The following PKHD1L1 variants were observed in gnomAD, a reference collection of about 807,000 sequenced individuals.
PKHD1L1 encodes the protein PKHD1 like 1.
PKHD1L1 carries 434 observed loss-of-function variants against 462.9 expected under a neutral mutation model. That is an observed-to-expected ratio of 0.94 (90% CI 0.87 to 1.02). The LOEUF (loss-of-function observed/expected upper bound fraction) is 1.02, where lower values mean the gene tolerates loss of function less well. Among genes scored for constraint, PKHD1L1 ranks in the 50% least tolerant of loss-of-function variants. The pLI, the probability that PKHD1L1 is intolerant of heterozygous loss-of-function variation, is 0.00. For synonymous variants in PKHD1L1, 1,781 were observed against 1,750.0 expected, an observed-to-expected ratio of 1.02 and a Z score of -0.44; for missense variants, 5,202 against 5,096.1, an observed-to-expected ratio of 1.02 and a Z score of -0.63.
Position 109,444,530 on chromosome 8 carries a change from AAATTT to A in PKHD1L1, c.4792-129_4792-125del, listed in dbSNP as rs1232342325. ...TGCGTTAATCAGCCCCTCCCAAATTAAATTTATGAATAAAAGATATTTATTTGCAC... is the reference window on the plus strand; with the variant it reads ...TGCGTTAATCAGCCCCTCCCAAATTAATGAATAAAAGATATTTATTTGCAC... On this transcript the variant is annotated intron_variant, in intron 37 of 77. Transcript: ENST00000378402. The A allele has an allele frequency of 6.9e-6, 6 of 871,550 alleles. No individual in the cohort carries two copies. The Admixed American group carries it at 1.1e-4, about 16-fold the overall frequency. 54.0% of individuals were successfully genotyped at this position (871,550 alleles called of 1,614,324 possible). A position where few individuals can be genotyped will look rare whatever the true frequency, so the allele number is the denominator to read the frequency against.
intron 67 of PKHD1L1, among the ~76,000 whole-genome samples, chr8:109,503,321 A>C (rs1477175481): frequency 6.6e-6 from 1 of 151,830 alleles, no homozygotes; most frequent in South Asian, 2.1e-4. Context: ...CAAACAAAAA[A>C]AAAACAGAAG....
chr8:109,383,570 A>G (rs1015106809), intron 4 of PKHD1L1, among the ~76,000 whole-genome samples: 4 of 148,560 alleles, frequency 2.7e-5, no homozygotes. Context: ...CTAATATAAG[A>G]TGAAATACTG....
At position 109,488,891 on chromosome 8, in the gene PKHD1L1, C is replaced by A. The variant is rs548208182; in HGVS notation, c.9881-1061C>A. Among the ~76,000 whole-genome samples the A allele has an allele frequency of 5.9e-5, 4 of 68,098 alleles. No individual in the cohort carries two copies. The East Asian group carries it at 1.3e-3, about 22-fold the overall frequency. 44.7% of individuals were successfully genotyped at this position (68,098 alleles called of 152,430 possible). A position where few individuals can be genotyped will look rare whatever the true frequency, so the allele number is the denominator to read the frequency against. ...ATATTACCCCTCTTTTAAAGATGAA[C>A]AAACAGATGATTAAAGGGGTAAAGT... On this transcript the variant is annotated intron_variant, in intron 59 of 77. Coordinates refer to ENST00000378402, the MANE Select transcript of PKHD1L1 (RefSeq NM_177531.6).
At chr8:109,392,033 C>T (rs1284977017) in intron 9 of PKHD1L1, among the ~76,000 whole-genome samples, 1 of 152,162 alleles carries the variant, frequency 6.6e-6, no homozygotes, top group Non-Finnish European at 1.5e-5. Context: ...GGACACATGA[C>T]TTAGGGTCCC....
In PKHD1L1 at chr8:109,425,150, A is replaced by T. The variant is rs769218680; in HGVS notation, c.2763A>T (p.Lys921Asn). ...YRGNNWPGES[K>N]IHIQRIQAAS... is the part of the protein sequence containing the mutation. The stretch of plus-strand genomic sequence containing the variant: ...GAAATAATTGGCCAGGCGAGTCAAA[A>T]ATTCATATTCAAAGAATTCAAGCTG... Residue 921 changes from lysine (K) to asparagine (N), a missense_variant, in exon 24 of 78, where the codon AAA becomes AAT. Transcript: ENST00000378402. 1 of 1,610,964 alleles carries T rather than the reference A, an allele frequency of 6.2e-7. No homozygotes were observed. The highest frequency in any genetic ancestry group is 1.7e-5 in the Admixed American group (1 of 59,442).
At chr8:109,483,209 C>A (rs767325682) in intron 57 of PKHD1L1, 104 bp downstream of exon 57, 4 of 776,408 alleles carry the variant, frequency 5.2e-6, no homozygotes, top group Non-Finnish European at 5.6e-6. Context: ...ATGTGATTAA[C>A]CAGATGAAAA....
At position 109,436,533 on chromosome 8, in the gene PKHD1L1, G is replaced by A. The variant is rs1016953994; in HGVS notation, c.3627+74G>A. 1.8e-5 allele frequency: 29 copies of A among 1,570,084 alleles called. No homozygotes were observed. In the East Asian group the frequency reaches 5.9e-4, roughly 32 times the overall value. ...ATAAATTAGGAAACATCTCAGTGGG[G>A]CGGGGGGTGAAACAAGTGGTGTATT... On this transcript the variant is annotated intron_variant, in intron 30 of 77. Transcript: ENST00000378402.
chr8:109,441,351 C>A lies in PKHD1L1; in HGVS notation c.4176C>A (p.Phe1392Leu). ...TTCTTCATTCAACTGGGAATATATT[C>A]AGGATTACCAACAATGGGAAAGATT... ...KCILHSTGNI[F>L]RITNNGKDSV... The change falls in exon 34 of 78, where the codon TTC becomes TTA. Residue 1392 changes from phenylalanine (F) to leucine (L), a missense_variant. Physicochemically the swap from Phe to Leu is conservative, Grantham distance 22. Around this residue, in one of 3 missense-constraint regions of PKHD1L1, gnomAD observed 4,497 missense variants for 4,336.8 expected, o/e 1.04. Transcript: ENST00000378402. 6.4e-7 allele frequency: 1 copy of A among 1,573,418 alleles called. No homozygotes were observed. Among genetic ancestry groups the A allele is most frequent in the South Asian group, 1.2e-5 (1 of 86,742 alleles).
At chr8:109,488,793 A>C (rs1818682269) in intron 59 of PKHD1L1, among the ~76,000 whole-genome samples, 1 of 152,038 alleles carries the variant, frequency 6.6e-6, no homozygotes, top group South Asian at 2.1e-4. Flanking sequence ...CGAACATGAC[A>C]CAAGATCACA....
intron 9 of PKHD1L1, among the ~76,000 whole-genome samples, chr8:109,393,221 T>C (rs1482376391): frequency 6.6e-6 from 1 of 151,734 alleles, no homozygotes; most frequent in Non-Finnish European, 1.5e-5. Context: ...TCTTTAGTCT[T>C]GCAAATGAAC....
At chr8:109,494,848 A>T (rs1169010646) in intron 63 of PKHD1L1, among the ~76,000 whole-genome samples, 7 of 151,944 alleles carry the variant, frequency 4.6e-5, no homozygotes, top group Non-Finnish European at 1.5e-5. Flanking sequence ...TAATTACCAG[A>T]TCAAAAAAGT....
At position 109,465,181 on chromosome 8, in the gene PKHD1L1, G is replaced by A. The variant is rs762340119; in HGVS notation, c.8349G>A (p.Pro2783=). ...TTGACGTCCAGTATTCTCACACACCGAACAAGGCTGGCTTTCGCTGGGAAC... is the reference window on the plus strand; with the variant it reads ...TTGACGTCCAGTATTCTCACACACCAAACAAGGCTGGCTTTCGCTGGGAAC... The part of the protein sequence containing the change: ...KFVDVQYSHT[P]NKAGFRWEHE... The change falls in exon 49 of 78, where the codon CCG becomes CCA. Residue 2783 remains proline (P), a synonymous_variant. Coordinates refer to ENST00000378402, the MANE Select transcript of PKHD1L1 (RefSeq NM_177531.6). 1.3e-5 allele frequency: 21 copies of A among 1,613,594 alleles called. No homozygotes were observed. Among genetic ancestry groups the A allele is most frequent in the Admixed American group, 3.3e-5 (2 of 59,946 alleles).
chr8:109,470,884 C>T (rs1295362793), intron 50 of PKHD1L1: 1 of 1,542,488 alleles, frequency 6.5e-7, no homozygotes, highest in African/African-American at 1.4e-5. Context: ...ATGCTAGAAA[C>T]TGAGCCAGTA....
At position 109,477,312 on chromosome 8, in the gene PKHD1L1, C is replaced by T. The variant is rs1423713847; in HGVS notation, c.9005C>T (p.Ala3002Val). The T allele has an allele frequency of 1.9e-6, 3 of 1,613,528 alleles. No homozygotes were observed. Among genetic ancestry groups the T allele is most frequent in the African/African-American group, 1.3e-5 (1 of 75,026 alleles). The change falls in exon 53 of 78, where the codon GCT becomes GTT. Residue 3002 changes from alanine to valine, a missense_variant. Ala to Val is a moderately conservative substitution (Grantham distance 64, BLOSUM62 0). This residue lies in a region of PKHD1L1 where 4,497 missense variants were observed against 4,336.8 expected (regional missense o/e 1.04). Coordinates refer to ENST00000378402, the MANE Select transcript of PKHD1L1 (RefSeq NM_177531.6). Reference protein sequence around the residue: ...DVKDVVINFQAYCCILQDCFP... With the variant: ...DVKDVVINFQVYCCILQDCFP... ...AAAGACGTTGTTATTAATTTCCAAGCTTACTGTTGTATTCTCCAGGATTGC... is the reference window on the plus strand; with the variant it reads ...AAAGACGTTGTTATTAATTTCCAAGTTTACTGTTGTATTCTCCAGGATTGC...
chr8:109,409,715 A>G (rs1813737410), intron 18 of PKHD1L1, 150 bp from the exon 19 acceptor site: 1 of 483,578 alleles, frequency 2.1e-6, no homozygotes, highest in African/African-American at 2.0e-5. Context: ...CTAACTTAAA[A>G]TTATTTAGAA....
At chr8:109,402,600 C>T (rs1202775920) in intron 14 of PKHD1L1, among the ~76,000 whole-genome samples, 2 of 152,136 alleles carry the variant, frequency 1.3e-5, no homozygotes, top group Non-Finnish European at 1.5e-5. Context: ...ACACACTCTG[C>T]AATACTCTGT....
At chr8:109,414,708 AC>A (rs1814044340) in intron 21 of PKHD1L1, among the ~76,000 whole-genome samples, 1 of 152,140 alleles carries the variant, frequency 6.6e-6, no homozygotes, top group South Asian at 2.1e-4. Context: ...TGGAACAAGC[AC>A]GAGGGAGAAC....
chr8:109,419,619 G>A (rs894221931), intron 22 of PKHD1L1, among the ~76,000 whole-genome samples: 2 of 152,058 alleles, frequency 1.3e-5, no homozygotes, highest in Non-Finnish European at 2.9e-5. Flanking sequence ...TACTGACATT[G>A]ACATCTGTCT....
chr8:109,496,618 C>T (rs776413723), intron 63 of PKHD1L1, among the ~76,000 whole-genome samples: 11 of 152,064 alleles, frequency 7.2e-5, no homozygotes, highest in African/African-American at 1.7e-4. Context: ...ATAAACCAGG[C>T]GAGGTGGGGC....
Sources: allele counts gnomAD v4.1 joint callset (sites outside exome capture counted in the v4.1 genomes callset), GRCh38; gene constraint gnomAD v4.1.1; regional missense constraint gnomAD v4.1.1; transcripts MANE v1.5; gene names NCBI Gene and HGNC (gene_info 2026-07-23, HGNC 2026-07-21).